CPSF7: variants seen among roughly 807,000 people sequenced by gnomAD.
CPSF7 encodes cleavage and polyadenylation specificity factor subunit 7.
CPSF7 carries 1 observed loss-of-function variant against 44.3 expected under a neutral mutation model. The ratio of observed to expected loss-of-function variants is 0.02; its 90% confidence interval spans 0.01 to 0.11. The LOEUF (loss-of-function observed/expected upper bound fraction) is 0.11, where lower values mean the gene tolerates loss of function less well. Ranked by LOEUF, CPSF7 falls within the 10% of genes least tolerant of loss-of-function variation. The pLI is 1.00. For missense variants in CPSF7, 443 were observed against 607.2 expected (o/e 0.73, Z 2.84); for synonymous variants, 202 against 222.0 (o/e 0.91, Z 0.80).
At chr11:61,410,494 G>T (rs1177830909) in intron 9 of CPSF7, 1 of 153,262 alleles carries the variant, frequency 6.5e-6, no homozygotes, top group African/African-American at 2.4e-5. Context: ...TAATAACAAT[G>T]GCTATTAATT....
At chr11:61,415,901 C>A in intron 6 of CPSF7, 117 bp from the exon 7 acceptor site, 1 of 884,524 alleles carries the variant, frequency 1.1e-6, no homozygotes. Context: ...CTGTAGCATT[C>A]ATAACACCTG....
chr11:61,404,409 AC>A lies in CPSF7; in HGVS notation c.*300del, dbSNP rs1428777078. ...ATCAGAAACTCATACGTTTTCTTGG[AC>A]AAAGCACCATTCTCTATGGAGACCA... On this transcript the variant is annotated 3_prime_UTR_variant, in exon 10 of 10. Coordinates refer to ENST00000439958, the MANE Select transcript of CPSF7 (RefSeq NM_001142565.3). The A allele has an allele frequency of 6.6e-6, 1 of 152,640 alleles. No homozygotes were observed. The highest frequency in any genetic ancestry group is 1.9e-4 in the East Asian group (1 of 5,180). The allele number at this position is 152,640 out of a possible 1,614,324, so 9.5% of individuals were successfully genotyped here. A position where few individuals can be genotyped will look rare whatever the true frequency, so the allele number is the denominator to read the frequency against.
chr11:61,422,212 A>G (rs1482685658), intron 2 of CPSF7, among the ~76,000 whole-genome samples: 1 of 152,242 alleles, frequency 6.6e-6, no homozygotes, highest in Non-Finnish European at 1.5e-5. Context: ...AAAATAAAAA[A>G]TAAATAAAAG....
intron 2 of CPSF7, among the ~76,000 whole-genome samples, chr11:61,422,584 C>T (rs570290117): frequency 1.4e-3 from 210 of 151,924 alleles, no homozygotes; most frequent in African/African-American, 4.8e-3. Flanking sequence ...CCCAAAGTGC[C>T]GGGATTACAG....
At chr11:61,418,120 C>G (rs150963699) in intron 5 of CPSF7, among the ~76,000 whole-genome samples, 2 of 152,214 alleles carry the variant, frequency 1.3e-5, no homozygotes, top group Non-Finnish European at 2.9e-5. Context: ...CATGGAACAA[C>G]AAGAGTTCAC....
At chr11:61,415,573 T>G (rs1182666576) in intron 7 of CPSF7, 93 bp downstream of exon 7, 12 of 828,942 alleles carry the variant, frequency 1.4e-5, no homozygotes, top group Admixed American at 1.9e-5. Flanking sequence ...TACTCCAACT[T>G]TATCTTGTTG....
chr11:61,421,014 T>C, intron 3 of CPSF7: 1 of 1,128,652 alleles, frequency 8.9e-7, no homozygotes, highest in Non-Finnish European at 1.2e-6. Context: ...CTACCCCAAG[T>C]ATACTAGAGT....
At chr11:61,421,365 A>T (rs1386201412) in intron 3 of CPSF7, 25 bp downstream of exon 3, 2 of 1,599,324 alleles carry the variant, frequency 1.3e-6, no homozygotes, top group Non-Finnish European at 1.7e-6. Flanking sequence ...CCCACCCCTA[A>T]GCATTTTTGG....
At chr11:61,412,891 T>C (rs562699405) in intron 7 of CPSF7, among the ~76,000 whole-genome samples, 10 of 152,346 alleles carry the variant, frequency 6.6e-5, no homozygotes, top group African/African-American at 2.4e-4. Flanking sequence ...GTCATATGCA[T>C]AGAAAAAATT....
chr11:61,429,955 G>T lies in CPSF7; in HGVS notation c.-97C>A. 2 of 1,346,666 alleles carry T rather than the reference G, an allele frequency of 1.5e-6. No individual in the cohort carries two copies. The highest frequency in any genetic ancestry group is 2.8e-5 in the South Asian group (2 of 71,564). The allele number at this position is 1,346,666 out of a possible 1,614,324, so 83.4% of individuals were successfully genotyped here. On this transcript the variant is annotated 5_prime_UTR_variant, in exon 1 of 10. Transcript: ENST00000439958. Reference sequence around the variant, plus strand: ...GCGGCGGCGAGTCCGGACTAGGCCCGAAGCGCGCGAACCGCTCTCCGCCCC... The same window carrying T: ...GCGGCGGCGAGTCCGGACTAGGCCCTAAGCGCGCGAACCGCTCTCCGCCCC...
chr11:61,423,819 T>C (rs751685565), intron 2 of CPSF7, among the ~76,000 whole-genome samples: 12 of 152,200 alleles, frequency 7.9e-5, no homozygotes, highest in Non-Finnish European at 1.8e-4. Flanking sequence ...GACCAGTCCT[T>C]GTATTATAAG....
At chr11:61,409,385 T>C (rs1239273232) in intron 9 of CPSF7, among the ~76,000 whole-genome samples, 1 of 151,040 alleles carries the variant, frequency 6.6e-6, no homozygotes, top group African/African-American at 2.4e-5. Context: ...GGCAGAGAAT[T>C]GCTTGAACCC....
At chr11:61,407,736 G>A (rs977388206) in intron 9 of CPSF7, among the ~76,000 whole-genome samples, 10 of 152,202 alleles carry the variant, frequency 6.6e-5, no homozygotes, top group Non-Finnish European at 1.5e-4. Flanking sequence ...ACTTGTTTGG[G>A]AGAAGATAAA....
At chr11:61,420,205 A>G in intron 4 of CPSF7, 111 bp from the exon 5 acceptor site, 1 of 875,886 alleles carries the variant, frequency 1.1e-6, no homozygotes. Flanking sequence ...ACATCTTGCT[A>G]AACTAAACAC....
intron 2 of CPSF7, among the ~76,000 whole-genome samples, chr11:61,428,116 C>T (rs557748812): frequency 7.9e-5 from 12 of 152,338 alleles, no homozygotes; most frequent in African/African-American, 2.9e-4. Context: ...AATTTTGGAA[C>T]ATTCTTGAGA....
intron 2 of CPSF7, among the ~76,000 whole-genome samples, chr11:61,422,142 G>A (rs1312381896): frequency 6.6e-6 from 1 of 152,134 alleles, no homozygotes; most frequent in East Asian, 1.9e-4. Context: ...CCCTTGATTG[G>A]TATAAATGAT....
chr11:61,424,461 CTTT>C (rs756171354), intron 2 of CPSF7, among the ~76,000 whole-genome samples: 5 of 152,118 alleles, frequency 3.3e-5, no homozygotes, highest in Non-Finnish European at 7.4e-5. Flanking sequence ...CAAGATTCTT[CTTT>C]TTTTCTGAGA....
At chr11:61,405,377 C>T (rs950906823) in intron 9 of CPSF7, among the ~76,000 whole-genome samples, 9 of 152,268 alleles carry the variant, frequency 5.9e-5, no homozygotes, top group African/African-American at 2.2e-4. Flanking sequence ...AGTCTTTCCT[C>T]GCATGACAGC....
rs565073373 is a variant in CPSF7, at chr11:61,428,825, T to C, written c.54+357A>G. 3 of 161,292 alleles carry C rather than the reference T, an allele frequency of 1.9e-5. No homozygotes were observed. The South Asian group carries it at 5.3e-4, about 29-fold the overall frequency. 10.0% of individuals were successfully genotyped at this position (161,292 alleles called of 1,614,324 possible). On this transcript the variant is annotated intron_variant, in intron 2 of 9. Transcript: ENST00000439958. ...CAGGTTGAGAATGTAAAGGAACCGG[T>C]ATCAACACTGTCCTCATGAATACCG...
Sources: gnomAD v4.1 joint callset for allele counts (sites outside exome capture counted in the v4.1 genomes callset) on GRCh38, gnomAD v4.1.1 for gene constraint, MANE v1.5 for transcripts, NCBI Gene and HGNC (gene_info 2026-07-23, HGNC 2026-07-21) for gene names.